ZC3H11A: variants seen among roughly 807,000 people sequenced by gnomAD.
ZC3H11A encodes zinc finger CCCH-type containing 11A, also known as zinc finger CCCH domain-containing protein 11A.
ZC3H11A carries 22 observed loss-of-function variants against 90.8 expected under a neutral mutation model. That is an observed-to-expected ratio of 0.24 (90% CI 0.17 to 0.35). The LOEUF (loss-of-function observed/expected upper bound fraction) is 0.35, where lower values mean the gene tolerates loss of function less well. ZC3H11A is among the 10% of genes least tolerant of loss of function. The pLI is 1.00. For synonymous variants in ZC3H11A, 294 were observed against 339.8 expected (o/e 0.87, Z 1.48); for missense variants, 701 against 964.9 (o/e 0.73, Z 3.62).
At chr1:203,834,656 T>A (rs1683644582) in intron 10 of ZC3H11A, among the ~76,000 whole-genome samples, 1 of 152,138 alleles carries the variant, frequency 6.6e-6, no homozygotes, top group South Asian at 2.1e-4. Context: ...AAAAAATTAT[T>A]ATTATCATTT....
intron 4 of ZC3H11A, among the ~76,000 whole-genome samples, chr1:203,825,717 G>T (rs1326997115): frequency 6.6e-6 from 1 of 151,998 alleles, no homozygotes; most frequent in South Asian, 2.1e-4. Context: ...GAGCCACCAC[G>T]CCTGGCATGT....
intron 1 of ZC3H11A, chr1:203,797,604 C>T (rs1360141166): frequency 6.5e-7 from 1 of 1,535,214 alleles, no homozygotes; most frequent in South Asian, 1.2e-5. Context: ...TTCTGGGATT[C>T]TGGGATGTGT....
chr1:203,797,830 C>A, intron 1 of ZC3H11A: 1 of 1,536,092 alleles, frequency 6.5e-7, no homozygotes, highest in South Asian at 1.2e-5. Context: ...GCTTTGTTAG[C>A]TTCCAATGAC....
In ZC3H11A at chr1:203,847,537, A is replaced by G. The variant is rs138049447; in HGVS notation, c.1396A>G (p.Met466Val). The G allele has an allele frequency of 4.8e-4, 776 of 1,613,986 alleles. 4 individuals carry two copies. The African/African-American group carries it at 9.2e-3, about 19-fold the overall frequency. Residue 466 changes from methionine (M) to valine (V), a missense_variant, in exon 13 of 18, where the codon ATG (methionine) becomes GTG (valine). Physicochemically the swap from Met to Val is conservative, Grantham distance 21. This residue lies in a region of ZC3H11A where 530 missense variants were observed against 696.2 expected (regional missense o/e 0.76). Coordinates refer to ENST00000367210, the MANE Select transcript of ZC3H11A (RefSeq NM_001376342.1). ...SEEPAGKTKS[M>V]QEVHIKTLEE... ...GGAGCCTGCAGGTAAAACAAAGTCT[A>G]TGCAGGAGGTGCACATCAAGACGCT...
chr1:203,850,517 A>G lies in ZC3H11A; in HGVS notation c.1942A>G (p.Lys648Glu), dbSNP rs1689009751. The G allele has an allele frequency of 6.2e-7, 1 of 1,613,866 alleles. No homozygotes were observed. Among genetic ancestry groups the G allele is most frequent in the African/African-American group, 1.3e-5 (1 of 74,926 alleles). ...CAGATATTTTCTGCCCTTTGTAGCT[A>G]AACCCAAAGTGAACGTGAAGCCATC... ...AQTLEKRGKA[K>E]PKVNVKPSVV... Residue 648 changes from lysine (K) to glutamate (E), a missense_variant and splice_region_variant, in exon 16 of 18, where the codon AAA becomes GAA. By Grantham distance (56) the Lys-to-Glu change is moderately conservative. Around this residue, in one of 4 missense-constraint regions of ZC3H11A, gnomAD observed 530 missense variants for 696.2 expected, o/e 0.76. Transcript: ENST00000367210.
chr1:203,848,356 G>A lies in ZC3H11A; in HGVS notation c.1572G>A (p.Gln524=). ...RTGMKEEKNL[Q]EGNEVDSQSS... ...GGATGAAAGAAGAGAAGAACCTTCA[G>A]GAAGGAAATGAAGTTGATTCTCAGA... The change falls in exon 14 of 18, where the codon CAG becomes CAA. Residue 524 remains glutamine, a synonymous_variant. Coordinates refer to ENST00000367210, the MANE Select transcript of ZC3H11A (RefSeq NM_001376342.1). 6.2e-7 allele frequency: 1 copy of A among 1,612,992 alleles called. No homozygotes were observed. Among genetic ancestry groups the A allele is most frequent in the South Asian group, 1.1e-5 (1 of 90,792 alleles).
At chr1:203,806,331 T>C (rs1672333368) in intron 2 of ZC3H11A, 1 of 228,192 alleles carries the variant, frequency 4.4e-6, no homozygotes, top group East Asian at 1.5e-4. Context: ...AGACGGAGTC[T>C]CGCTCTGTCA....
intron 1 of ZC3H11A, chr1:203,799,315 A>C (rs1257706495): frequency 2.8e-6 from 2 of 710,234 alleles, no homozygotes; most frequent in African/African-American, 3.5e-5. Flanking sequence ...TTTTTCTGCG[A>C]GCACAAAAGC....
At chr1:203,804,004 C>T (rs1156415806) in intron 2 of ZC3H11A, among the ~76,000 whole-genome samples, 1 of 152,092 alleles carries the variant, frequency 6.6e-6, no homozygotes, top group East Asian at 1.9e-4. Context: ...TCGATGTGTG[C>T]ATTATTTTTT....
chr1:203,825,483 G>A (rs944961325), intron 4 of ZC3H11A, among the ~76,000 whole-genome samples: 1 of 141,622 alleles, frequency 7.1e-6, no homozygotes, highest in African/African-American at 2.7e-5. Flanking sequence ...CACCCAGGCT[G>A]GAGTGCAGTG....
At chr1:203,830,925 ATTTTTTTTTTTTTT>A (rs774771270) in intron 8 of ZC3H11A, among the ~76,000 whole-genome samples, 577 of 51,376 alleles carry the variant, frequency 0.011, 9 homozygotes, top group Non-Finnish European at 0.018. Flanking sequence ...CCAACCCCCA[ATTTTTTTTTTTTTT>A]TTTTTTTTTT....
chr1:203,819,119 CGTGT>C (rs1558111105), intron 4 of ZC3H11A, among the ~76,000 whole-genome samples: 116 of 141,060 alleles, frequency 8.2e-4, no homozygotes, highest in African/African-American at 3.0e-3. Context: ...CACACACACA[CGTGT>C]ATATATACAT....
intron 10 of ZC3H11A, 82 bp downstream of exon 10, chr1:203,833,935 A>C: frequency 6.7e-7 from 1 of 1,503,352 alleles, no homozygotes; most frequent in Admixed American, 2.1e-5. Flanking sequence ...CTTTTTATAC[A>C]GATCTTTGTT....
chr1:203,852,419 TTAAA>T lies in ZC3H11A; in HGVS notation c.*21_*24del, dbSNP rs1305810427. 11 of 1,605,506 alleles carry T rather than the reference TTAAA, an allele frequency of 6.9e-6. No homozygotes were observed. Among genetic ancestry groups the T allele is most frequent in the African/African-American group, 1.4e-5 (1 of 73,766 alleles). ...AGCTGAAGGTGGTAGTGAGGACACT[TTAAA>T]AAAAAAATCGCCAAAAAACTGGACT... On this transcript the variant is annotated 3_prime_UTR_variant, in exon 18 of 18. Coordinates refer to ENST00000367210, the MANE Select transcript of ZC3H11A (RefSeq NM_001376342.1).
At chr1:203,830,046 A>G in intron 7 of ZC3H11A, 77 bp from the exon 8 acceptor site, 1 of 1,355,274 alleles carries the variant, frequency 7.4e-7, no homozygotes, top group South Asian at 1.2e-5. Context: ...TTCAAAAATA[A>G]ATGCCTGCTA....
intron 2 of ZC3H11A, among the ~76,000 whole-genome samples, chr1:203,809,942 G>A (rs1392499521): frequency 2.6e-5 from 4 of 151,988 alleles, no homozygotes; most frequent in Non-Finnish European, 5.9e-5. Context: ...GCAACAGAGC[G>A]AGACTCTCTC....
chr1:203,835,410 C>T (rs1683968354), intron 10 of ZC3H11A, among the ~76,000 whole-genome samples: 1 of 152,140 alleles, frequency 6.6e-6, no homozygotes, highest in African/African-American at 2.4e-5. Flanking sequence ...GTTATACAGT[C>T]ATTTACGAAA....
chr1:203,838,130 C>A, intron 11 of ZC3H11A, 66 bp downstream of exon 11: 1 of 1,434,438 alleles, frequency 7.0e-7, no homozygotes, highest in Non-Finnish European at 9.6e-7. Context: ...GTAATGCTAA[C>A]AGCTATGGTT....
chr1:203,818,747 A>C, intron 4 of ZC3H11A, 58 bp downstream of exon 4: 1 of 1,610,710 alleles, frequency 6.2e-7, no homozygotes, highest in Non-Finnish European at 8.5e-7. Context: ...TGGGCCAATA[A>C]AAAATATAGG....
Sources: gnomAD v4.1 joint callset for allele counts (sites outside exome capture counted in the v4.1 genomes callset) on GRCh38, gnomAD v4.1.1 for gene constraint, gnomAD v4.1.1 regional missense constraint, MANE v1.5 for transcripts, NCBI Gene and HGNC (gene_info 2026-07-23, HGNC 2026-07-21) for gene names.